The following GPC6 variants were observed in gnomAD, a reference collection of about 807,000 sequenced individuals.
GPC6 encodes glypican 6.
Under a neutral mutation model 55.2 loss-of-function variants are expected in GPC6, and 14 were observed. The observed-to-expected ratio is 0.25, with a 90% CI of 0.17 to 0.40. The LOEUF is 0.40. Among genes scored for constraint, GPC6 ranks in the 10% least tolerant of loss-of-function variants. The probability of loss-of-function intolerance (pLI) is 1.00; values close to 1 mark genes in which losing one functional copy is unlikely to be tolerated. For missense variants in GPC6, 641 were observed against 708.5 expected (o/e 0.90, Z 1.08); for synonymous variants, 278 against 259.6 (o/e 1.07, Z -0.68).
intron 1 of GPC6, among the ~76,000 whole-genome samples, chr13:93,416,224 T>C (rs972959229): frequency 2.0e-5 from 3 of 152,118 alleles, no homozygotes; most frequent in African/African-American, 7.2e-5. Flanking sequence ...GTTGCCAAAA[T>C]GTAGGACTAA....
rs551386645 is a variant in GPC6 at position 94,303,984 on chromosome 13, C to G, written c.1009-1996C>G. Among the ~76,000 whole-genome samples the G allele has an allele frequency of 4.6e-5, 7 of 152,286 alleles. No homozygotes were observed. The South Asian group carries it at 1.2e-3, about 27-fold the overall frequency. On this transcript the variant is annotated intron_variant, in intron 5 of 8. Transcript: ENST00000377047. ...AGCAAGGCCGTTAGTATTGTTTCGC[C>G]TTAGGCTTTACATTTTTTAAAAGTC...
intron 4 of GPC6, among the ~76,000 whole-genome samples, chr13:94,095,868 T>C (rs1885637471): frequency 6.6e-6 from 1 of 152,112 alleles, no homozygotes; most frequent in South Asian, 2.1e-4. Flanking sequence ...CAGATGGGGA[T>C]GATGTTTACT....
rs74346341 is a variant in GPC6 at position 94,357,567 on chromosome 13, C to T, written c.1153-24847C>T. On this transcript the variant is annotated intron_variant, in intron 6 of 8. Coordinates refer to ENST00000377047, the MANE Select transcript of GPC6 (RefSeq NM_005708.5). ...ACCCAGGCCTTGAGAATGCCTCCCT[C>T]GCTCCTTGAACCCTCCCTAGAAATT... Among the ~76,000 whole-genome samples the T allele has an allele frequency of 4.7e-3, 712 of 152,304 alleles. 16 individuals are homozygous for T. The East Asian group carries it at 0.072, about 15-fold the overall frequency.
chr13:93,472,489 C>T (rs986845147), intron 1 of GPC6, among the ~76,000 whole-genome samples: 19 of 152,284 alleles, frequency 1.2e-4, no homozygotes, highest in African/African-American at 3.4e-4. Context: ...CCGGCATGGG[C>T]GCCGGCTCTC....
At chr13:93,970,197 G>T (rs1566627784) in intron 3 of GPC6, among the ~76,000 whole-genome samples, 3 of 152,120 alleles carry the variant, frequency 2.0e-5, no homozygotes, top group Non-Finnish European at 4.4e-5. Flanking sequence ...ATAAAGTAGT[G>T]ATCCTTACAG....
At chr13:94,321,569 C>T (rs73551843) in intron 6 of GPC6, among the ~76,000 whole-genome samples, 8,268 of 152,298 alleles carry the variant, frequency 0.054, 273 homozygotes, top group Middle Eastern at 0.099. Flanking sequence ...CACAACCTCA[C>T]CAGCATCATT....
Position 94,258,535 on chromosome 13 carries a change from T to G in GPC6, c.878-27814T>G, listed in dbSNP as rs1021273907. 2.0e-4 allele frequency among the ~76,000 whole-genome samples: 30 copies of G among 152,342 alleles called. 1 individual carries two copies. Among genetic ancestry groups the G allele is most frequent in the Non-Finnish European group, 8.8e-5 (6 of 68,038 alleles). ...GATGTTGCTTTTTCTATCCAGTATC[T>G]TCTGTTGCTCCCACAAAGGTTTTCA... On this transcript the variant is annotated intron_variant, in intron 4 of 8. Transcript: ENST00000377047.
At chr13:93,980,512 T>C (rs1880751005) in intron 3 of GPC6, among the ~76,000 whole-genome samples, 2 of 152,122 alleles carry the variant, frequency 1.3e-5, no homozygotes, top group African/African-American at 2.4e-5. Flanking sequence ...GGCTTAGTAT[T>C]GAATGTGTAA....
intron 1 of GPC6, among the ~76,000 whole-genome samples, chr13:93,231,397 GTATATATATATATATA>G (rs71123471): frequency 3.5e-4 from 16 of 45,868 alleles, no homozygotes; most frequent in Non-Finnish European, 5.4e-4. Context: ...ATATATATAT[GTATATATATATATATA>G]TATATATATA....
At chr13:93,391,628 T>C (rs1875634584) in intron 1 of GPC6, among the ~76,000 whole-genome samples, 1 of 152,194 alleles carries the variant, frequency 6.6e-6, no homozygotes, top group Admixed American at 6.5e-5. Context: ...TTAAGCATAA[T>C]TCAACATGCA....
chr13:93,669,225 A>T (rs1272144122), intron 2 of GPC6, among the ~76,000 whole-genome samples: 2 of 152,194 alleles, frequency 1.3e-5, no homozygotes, highest in Admixed American at 1.3e-4. Flanking sequence ...TGGAAAGAAA[A>T]GGCATTGTAT....
chr13:94,167,276 T>A (rs1888400281), intron 4 of GPC6, among the ~76,000 whole-genome samples: 2 of 152,150 alleles, frequency 1.3e-5, no homozygotes. Flanking sequence ...TCTTGTGTAG[T>A]CATAACAGTG....
rs146499176 is a variant in GPC6, at chr13:94,210,380, C to G, written c.878-75969C>G. Among the ~76,000 whole-genome samples, 1,489 of 152,044 alleles carry G rather than the reference C, an allele frequency of 9.8e-3. 12 individuals are homozygous for G. The highest frequency in any genetic ancestry group is 0.02 in the Middle Eastern group (6 of 294). ...CTATGTTAGCCAGGCTGGTTCCAAA[C>G]TCCTAACCTCAGGTGATCCACCCGC... On this transcript the variant is annotated intron_variant, in intron 4 of 8. Coordinates refer to ENST00000377047, the MANE Select transcript of GPC6 (RefSeq NM_005708.5).
intron 2 of GPC6, among the ~76,000 whole-genome samples, chr13:93,784,227 G>T (rs1037130706): frequency 2.6e-5 from 4 of 152,176 alleles, no homozygotes; most frequent in African/African-American, 9.6e-5. Flanking sequence ...AGACAGACAG[G>T]TTGTCTGGGG....
At chr13:93,421,654 T>A (rs1876928413) in intron 1 of GPC6, among the ~76,000 whole-genome samples, 1 of 152,144 alleles carries the variant, frequency 6.6e-6, no homozygotes, top group Non-Finnish European at 1.5e-5. Context: ...CACGTGAAAT[T>A]ACCCCATGTG....
chr13:93,538,222 T>G (rs781746586), intron 1 of GPC6, among the ~76,000 whole-genome samples: 31 of 152,184 alleles, frequency 2.0e-4, no homozygotes, highest in Non-Finnish European at 3.7e-4. Flanking sequence ...ACTTAACTTT[T>G]TCTTCTAAGT....
At chr13:93,506,662 A>T (rs12865946) in intron 1 of GPC6, among the ~76,000 whole-genome samples, 1 of 152,076 alleles carries the variant, frequency 6.6e-6, no homozygotes, top group Non-Finnish European at 1.5e-5. Context: ...TCCATAACCC[A>T]CTTTATAAGC....
chr13:93,534,659 C>T (rs948953338), intron 1 of GPC6, among the ~76,000 whole-genome samples: 1 of 152,150 alleles, frequency 6.6e-6, no homozygotes, highest in African/African-American at 2.4e-5. Flanking sequence ...AAATGAACAT[C>T]TGGGCAAGCA....
At chr13:93,570,815 A>G (rs1876363680) in intron 2 of GPC6, among the ~76,000 whole-genome samples, 2 of 152,150 alleles carry the variant, frequency 1.3e-5, no homozygotes, top group Non-Finnish European at 2.9e-5. Flanking sequence ...TGCAAAATGA[A>G]ACAATTCTTT....
Sources: allele counts gnomAD v4.1 joint callset (sites outside exome capture counted in the v4.1 genomes callset), GRCh38; gene constraint gnomAD v4.1.1; transcripts MANE v1.5; gene names NCBI Gene and HGNC (gene_info 2026-07-23, HGNC 2026-07-21).